PLOD2: variants seen among roughly 807,000 people sequenced by gnomAD.
The protein encoded by PLOD2 is lysine hydroxylase 2.
In PLOD2, 65 loss-of-function variants were observed where a neutral mutation model predicts 101.0. The observed-to-expected ratio is 0.64, with a 90% CI of 0.53 to 0.79. The LOEUF (loss-of-function observed/expected upper bound fraction) is 0.79, where lower values mean the gene tolerates loss of function less well. Ranked by LOEUF, PLOD2 falls within the 30% of genes least tolerant of loss-of-function variation. The pLI, the probability that PLOD2 is intolerant of heterozygous loss-of-function variation, is 0.00. For synonymous variants in PLOD2, 314 were observed against 302.9 expected (o/e 1.04, Z -0.38); for missense variants, 909 against 914.6 (o/e 0.99, Z 0.08).
At chr3:146,154,216 A>T (rs1252475720) in intron 1 of PLOD2, among the ~76,000 whole-genome samples, 2 of 152,194 alleles carry the variant, frequency 1.3e-5, no homozygotes, top group African/African-American at 4.8e-5. Flanking sequence ...TTGTATTAAA[A>T]GTCTATTGAG....
intron 7 of PLOD2, among the ~76,000 whole-genome samples, chr3:146,094,689 T>A (rs536663215): frequency 6.6e-6 from 1 of 152,116 alleles, no homozygotes. Flanking sequence ...CAAGCTACCA[T>A]TGACTTTATT....
intron 11 of PLOD2, among the ~76,000 whole-genome samples, chr3:146,083,673 C>G (rs771869629): frequency 6.6e-6 from 1 of 151,164 alleles, no homozygotes; most frequent in Non-Finnish European, 1.5e-5. Flanking sequence ...GCTCCACCTC[C>G]TGGGTTCACA....
At chr3:146,117,986 TCCTAAAA>T (rs1441287176) in intron 3 of PLOD2, among the ~76,000 whole-genome samples, 2 of 152,014 alleles carry the variant, frequency 1.3e-5, no homozygotes, top group East Asian at 3.9e-4. Context: ...GAAAAGTTCT[TCCTAAAA>T]CCCAAAAGGA....
intron 1 of PLOD2, among the ~76,000 whole-genome samples, chr3:146,158,339 T>C (rs2032401804): frequency 6.6e-6 from 1 of 152,172 alleles, no homozygotes; most frequent in Non-Finnish European, 1.5e-5. Context: ...ATTTAGTCTT[T>C]CCATGCTAAG....
At chr3:146,158,289 C>G (rs992101039) in intron 1 of PLOD2, among the ~76,000 whole-genome samples, 1 of 152,120 alleles carries the variant, frequency 6.6e-6, no homozygotes, top group African/African-American at 2.4e-5. Context: ...AATTCCTATA[C>G]GTTATTTTCA....
intron 10 of PLOD2, 30 bp downstream of exon 10, chr3:146,086,757 T>A: frequency 7.5e-7 from 1 of 1,336,734 alleles, no homozygotes; most frequent in Non-Finnish European, 1.0e-6. Flanking sequence ...GTAAAATAAT[T>A]TAATTTAATT....
At chr3:146,071,214 T>C in intron 18 of PLOD2, 47 bp from the exon 19 acceptor site, 2 of 1,610,800 alleles carry the variant, frequency 1.2e-6, no homozygotes, top group East Asian at 2.2e-5. Flanking sequence ...AATAAAAACA[T>C]TAAAAAGAAC....
intron 1 of PLOD2, among the ~76,000 whole-genome samples, chr3:146,132,549 T>C (rs1022391839): frequency 6.6e-6 from 1 of 152,130 alleles, no homozygotes; most frequent in Admixed American, 6.5e-5. Context: ...ATCTTTATCA[T>C]TCTTTTCAAA....
chr3:146,091,803 T>C lies in PLOD2; in HGVS notation c.876A>G (p.Val292=). 1 of 1,525,890 alleles carries C rather than the reference T, an allele frequency of 6.6e-7. No individual in the cohort carries two copies. The allele number at this position is 1,525,890 out of a possible 1,614,324, so 94.5% of individuals were successfully genotyped here. A position where few individuals can be genotyped will look rare whatever the true frequency, so the allele number is the denominator to read the frequency against. The change falls in exon 8 of 20, where the codon GTA becomes GTG. Residue 292 remains valine, a synonymous_variant. Transcript: ENST00000282903. ...ACACATAATCAATTCCACTTACATC[T>C]ACTGCAGACAAGTCGACTGTATCGA... The part of the protein sequence containing the change: ...CEFDTVDLSA[V]DVHPNVSIGV...
intron 3 of PLOD2, among the ~76,000 whole-genome samples, chr3:146,118,878 A>G (rs1938045058): frequency 6.6e-6 from 1 of 152,204 alleles, no homozygotes; most frequent in South Asian, 2.1e-4. Context: ...AGTAAAGCTC[A>G]CTATGATCTT....
At chr3:146,081,957 A>C (rs1936557640) in intron 11 of PLOD2, 94 bp from the exon 12 acceptor site, 1 of 1,062,476 alleles carries the variant, frequency 9.4e-7, no homozygotes, top group South Asian at 1.6e-5. Flanking sequence ...GCTTAGTATG[A>C]CATATAACAC....
At chr3:146,121,343 T>G in intron 2 of PLOD2, 95 bp from the exon 3 acceptor site, 36 of 935,064 alleles carry the variant, frequency 3.9e-5, no homozygotes, top group Non-Finnish European at 5.8e-5. Flanking sequence ...AACAGTACTG[T>G]ACCGTAACCA....
chr3:146,147,682 T>C (rs376565371), intron 1 of PLOD2, among the ~76,000 whole-genome samples: 126 of 152,274 alleles, frequency 8.3e-4, no homozygotes, highest in African/African-American at 2.9e-3. Context: ...ACAAAACCAC[T>C]GGACCATAGG....
At chr3:146,137,174 A>G (rs916953474) in intron 1 of PLOD2, among the ~76,000 whole-genome samples, 10 of 152,212 alleles carry the variant, frequency 6.6e-5, no homozygotes, top group African/African-American at 2.2e-4. Context: ...TATTTTCCAT[A>G]TATCAAAGCA....
intron 1 of PLOD2, among the ~76,000 whole-genome samples, chr3:146,140,597 C>G (rs184096981): frequency 6.6e-6 from 1 of 152,050 alleles, no homozygotes; most frequent in African/African-American, 2.4e-5. Context: ...ATACACAATA[C>G]GCTTTAATAA....
At position 146,096,940 on chromosome 3, in the gene PLOD2, G is replaced by A. The variant is rs1373215131; in HGVS notation, c.778-5039C>T. Reference sequence around the variant, plus strand: ...AGGTGAGGGGCGCCTCTGCCCGGCCGCCCCTACTGGGAAGTGAGGACCCCT... The same window carrying A: ...AGGTGAGGGGCGCCTCTGCCCGGCCACCCCTACTGGGAAGTGAGGACCCCT... On this transcript the variant is annotated intron_variant, in intron 7 of 19. Transcript: ENST00000282903. Among the ~76,000 whole-genome samples, 422 of 135,014 alleles carry A rather than the reference G, an allele frequency of 3.1e-3. 8 individuals carry two copies. The highest frequency in any genetic ancestry group is 0.011 in the African/African-American group (370 of 34,542). 88.6% of individuals were successfully genotyped at this position (135,014 alleles called of 152,430 possible).
chr3:146,126,204 T>C (rs930905257), intron 1 of PLOD2, among the ~76,000 whole-genome samples: 1 of 152,192 alleles, frequency 6.6e-6, no homozygotes, highest in Admixed American at 6.5e-5. Context: ...GTTTCAGTAC[T>C]ATTGCTCTTT....
chr3:146,079,288 C>T lies in PLOD2; in HGVS notation c.1359-31G>A, dbSNP rs1247379730. The T allele has an allele frequency of 7.1e-6, 11 of 1,546,480 alleles. No individual in the cohort carries two copies. In the Admixed American group the frequency reaches 1.4e-4, roughly 19 times the overall value. ...AGTAAAGAGAAGACATTCTTATATA[C>T]CACAAATACAAACAATTTTAAGTTT... On this transcript the variant is annotated intron_variant, in intron 12 of 19. Coordinates refer to ENST00000282903, the MANE Select transcript of PLOD2 (RefSeq NM_182943.3).
In PLOD2 at chr3:146,075,505, A is replaced by AAG. The variant is rs1553728759; in HGVS notation, c.1677+1276_1677+1277insCT. ...AAATCTGTAAAAAAAAAAAAAAAAA[A>AAG]AAGAAGAAGAAAACAGATTTTAAAA... On this transcript the variant is annotated intron_variant, in intron 15 of 19. Coordinates refer to ENST00000282903, the MANE Select transcript of PLOD2 (RefSeq NM_182943.3). 2.1e-3 allele frequency among the ~76,000 whole-genome samples: 314 copies of AAG among 150,388 alleles called. 2 individuals are homozygous for AAG. The highest frequency in any genetic ancestry group is 7.2e-3 in the African/African-American group (297 of 41,152).
Sources: gnomAD v4.1 joint callset for allele counts (sites outside exome capture counted in the v4.1 genomes callset) on GRCh38, gnomAD v4.1.1 for gene constraint, MANE v1.5 for transcripts, NCBI Gene and HGNC (gene_info 2026-07-23, HGNC 2026-07-21) for gene names.